PDXK: variants seen among roughly 807,000 people sequenced by gnomAD.
PDXK encodes the protein epididymis secretory sperm binding protein Li 1a.
In PDXK, 15 loss-of-function variants were observed where a neutral mutation model predicts 43.2. The ratio of observed to expected loss-of-function variants is 0.35; its 90% CI spans 0.23 to 0.53. The LOEUF is 0.53. Among genes scored for constraint, PDXK ranks in the 20% least tolerant of loss-of-function variants. The probability of loss-of-function intolerance (pLI) is 0.92; values close to 1 mark genes in which losing one functional copy is unlikely to be tolerated. For synonymous variants in PDXK, 172 were observed against 165.4 expected (o/e 1.04, Z -0.31); for missense variants, 343 against 417.0 (o/e 0.82, Z 1.54).
chr21:43,754,723 T>C lies in PDXK; in HGVS notation c.760-975T>C, dbSNP rs2083816429. On this transcript the variant is annotated intron_variant, in intron 9 of 10. Transcript: ENST00000291565. This position sits in a 1 kb window ranked among gnomAD's most constrained non-coding sequence, Gnocchi z 5.5. Reference sequence around the variant, plus strand: ...ACAGGAGGAAGACAGGACACCTCTGTCACTATTGGGTGCGCTGGGGAAGGA... The same window carrying C: ...ACAGGAGGAAGACAGGACACCTCTGCCACTATTGGGTGCGCTGGGGAAGGA... Among the ~76,000 whole-genome samples, 1 of 151,980 alleles carries C rather than the reference T, an allele frequency of 6.6e-6. No homozygotes were observed. Among genetic ancestry groups the C allele is most frequent in the African/African-American group, 2.4e-5 (1 of 41,364 alleles).
At chr21:43,743,844 C>T (rs1390121621) in intron 4 of PDXK, 37 bp downstream of exon 4, 1 of 1,487,954 alleles carries the variant, frequency 6.7e-7, no homozygotes, top group African/African-American at 1.4e-5. Flanking sequence ...GGCTGTGTGG[C>T]CCCACACGGG....
intron 1 of PDXK, chr21:43,729,077 C>T: frequency 1.1e-6 from 1 of 952,130 alleles, no homozygotes; most frequent in South Asian, 4.8e-5. Flanking sequence ...CCGCACCCGC[C>T]CGCCCGCAAT....
chr21:43,727,048 T>C (rs929395941), intron 1 of PDXK, among the ~76,000 whole-genome samples: 6 of 152,214 alleles, frequency 3.9e-5, no homozygotes, highest in African/African-American at 1.4e-4. Context: ...CCCCCCCGTC[T>C]TTCCTGTAAG....
chr21:43,728,146 G>T (rs1392736311), intron 1 of PDXK, among the ~76,000 whole-genome samples: 1 of 152,172 alleles, frequency 6.6e-6, no homozygotes, highest in African/African-American at 2.4e-5. Flanking sequence ...GGTCAGGGAT[G>T]AGGGGAGACT....
At chr21:43,727,839 G>T (rs984066005) in intron 1 of PDXK, among the ~76,000 whole-genome samples, 1 of 152,232 alleles carries the variant, frequency 6.6e-6, no homozygotes, top group Admixed American at 6.5e-5. Context: ...TGTGGGGGTG[G>T]ACGGGGCCCG....
rs2083899255 is a variant in PDXK at position 43,759,373 on chromosome 21, A to G, written c.*3310A>G. 6.5e-6 allele frequency: 1 copy of G among 153,652 alleles called. No individual in the cohort carries two copies. Among genetic ancestry groups the G allele is most frequent in the Admixed American group, 6.5e-5 (1 of 15,288 alleles). The allele number at this position is 153,652 out of a possible 1,614,324, so 9.5% of individuals were successfully genotyped here. Reference sequence around the variant, plus strand: ...TTCTCTCTTTAGTTTAACTATGCAAAGAGAGGAGGTTGAGAGTGTTCTGGC... The same window carrying G: ...TTCTCTCTTTAGTTTAACTATGCAAGGAGAGGAGGTTGAGAGTGTTCTGGC... On this transcript the variant is annotated 3_prime_UTR_variant, in exon 11 of 11. Coordinates refer to ENST00000291565, the MANE Select transcript of PDXK (RefSeq NM_003681.5).
At chr21:43,748,191 G>A (rs560952406) in intron 5 of PDXK, among the ~76,000 whole-genome samples, 9 of 152,324 alleles carry the variant, frequency 5.9e-5, no homozygotes, top group African/African-American at 2.2e-4. Flanking sequence ...AAATTTGATC[G>A]CTAAAGAAAA....
rs2083426587 is a variant in PDXK at position 43,737,594 on chromosome 21, G to C, written c.142+3471G>C. On this transcript the variant is annotated intron_variant, in intron 2 of 10. Coordinates refer to ENST00000291565, the MANE Select transcript of PDXK (RefSeq NM_003681.5). This position sits in a 1 kb window ranked among gnomAD's most constrained non-coding sequence, Gnocchi z 4.8. ...GGGATGGGACAGGTGCCCTGCTGCT[G>C]GGCTTGGTGGTCCCTGCTGCAGGGA... is the stretch of plus-strand genomic sequence containing the variant. 18 of 990,590 alleles carry C rather than the reference G, an allele frequency of 1.8e-5. No individual in the cohort carries two copies. The highest frequency in any genetic ancestry group is 2.2e-5 in the Non-Finnish European group (18 of 833,246). The allele number at this position is 990,590 out of a possible 1,614,324, so 61.4% of individuals were successfully genotyped here. A position where few individuals can be genotyped will look rare whatever the true frequency, so the allele number is the denominator to read the frequency against.
chr21:43,732,254 G>C lies in PDXK; in HGVS notation c.88-1815G>C. On this transcript the variant is annotated intron_variant, in intron 1 of 10. Coordinates refer to ENST00000291565, the MANE Select transcript of PDXK (RefSeq NM_003681.5). This position sits in a 1 kb window ranked among gnomAD's most constrained non-coding sequence, Gnocchi z 4.1. ...CACAGAGCGCTGGCTTCCAGCTGAA[G>C]GACATGTGTAACAGCAGGAGATACC... 2.7e-6 allele frequency: 4 copies of C among 1,490,074 alleles called. No individual in the cohort carries two copies. The highest frequency in any genetic ancestry group is 3.6e-6 in the Non-Finnish European group (4 of 1,124,294). The allele number at this position is 1,490,074 out of a possible 1,614,324, so 92.3% of individuals were successfully genotyped here. A position where few individuals can be genotyped will look rare whatever the true frequency, so the allele number is the denominator to read the frequency against.
At chr21:43,743,141 G>A (rs56008828) in intron 3 of PDXK, among the ~76,000 whole-genome samples, 3 of 81,330 alleles carry the variant, frequency 3.7e-5, no homozygotes, top group Non-Finnish European at 4.6e-5. Context: ...GGGACACCTC[G>A]CCTGCACCCA....
At position 43,741,197 on chromosome 21, in the gene PDXK, C is replaced by G. The variant is rs1383841463; in HGVS notation, c.143-470C>G. Among the ~76,000 whole-genome samples the G allele has an allele frequency of 9.0e-3, 3 of 334 alleles. 1 individual carries two copies. The highest frequency in any genetic ancestry group is 0.019 in the Non-Finnish European group (3 of 156). The allele number at this position is 334 out of a possible 152,430, so 0.2% of individuals were successfully genotyped here. A position where few individuals can be genotyped will look rare whatever the true frequency, so the allele number is the denominator to read the frequency against. On this transcript the variant is annotated intron_variant, in intron 2 of 10. Transcript: ENST00000291565. ...CTCGCGGGGGGCTCGCGGGGGGGCTCGCGGGGGGGCTCGCGGGGGGCTCGC... is the reference window on the plus strand; with the variant it reads ...CTCGCGGGGGGCTCGCGGGGGGGCTGGCGGGGGGGCTCGCGGGGGGCTCGC...
At chr21:43,743,140 C>T (rs1469343743) in intron 3 of PDXK, among the ~76,000 whole-genome samples, 5 of 125,788 alleles carry the variant, frequency 4.0e-5, no homozygotes, top group African/African-American at 1.2e-4. Context: ...GGGGACACCT[C>T]GCCTGCACCC....
In PDXK at chr21:43,749,159, C is replaced by T. The variant is rs969925467; in HGVS notation, c.464+79C>T. ...CGCTCTTGTCACCCAGGCTGGAGTG[C>T]AGTGGCACGATCACAGCTCACTGCA... On this transcript the variant is annotated intron_variant, in intron 6 of 10. Transcript: ENST00000291565. The T allele has an allele frequency of 6.0e-6, 5 of 833,620 alleles. No homozygotes were observed. The African/African-American group carries it at 8.6e-5, about 14-fold the overall frequency. 51.6% of individuals were successfully genotyped at this position (833,620 alleles called of 1,614,324 possible). A position where few individuals can be genotyped will look rare whatever the true frequency, so the allele number is the denominator to read the frequency against.
chr21:43,737,248 A>AT lies in PDXK; in HGVS notation c.142+3126dup. 4.2e-6 allele frequency: 6 copies of AT among 1,425,022 alleles called. No homozygotes were observed. The highest frequency in any genetic ancestry group is 5.5e-6 in the Non-Finnish European group (6 of 1,092,830). 88.3% of individuals were successfully genotyped at this position (1,425,022 alleles called of 1,614,324 possible). A position where few individuals can be genotyped will look rare whatever the true frequency, so the allele number is the denominator to read the frequency against. On this transcript the variant is annotated intron_variant, in intron 2 of 10. Transcript: ENST00000291565. This position sits in a 1 kb window ranked among gnomAD's most constrained non-coding sequence, Gnocchi z 4.8. ...TTCAGGCTGGGGGGTGGGAAAGCCG[A>AT]TCCCCCAAGTGCCTGCAGAGCCCAC...
chr21:43,735,950 G>C lies in PDXK; in HGVS notation c.142+1827G>C, dbSNP rs972283183. ...GCTGGTGCATCGTGTACCTGCCCTG[G>C]GTGCCACGGGAGCTGGTGGTCAAGA... On this transcript the variant is annotated intron_variant, in intron 2 of 10. Coordinates refer to ENST00000291565, the MANE Select transcript of PDXK (RefSeq NM_003681.5). This position sits in a 1 kb window ranked among gnomAD's most constrained non-coding sequence, Gnocchi z 5.3. Among the ~76,000 whole-genome samples the C allele has an allele frequency of 6.6e-6, 1 of 152,082 alleles. No individual in the cohort carries two copies. The highest frequency in any genetic ancestry group is 1.5e-5 in the Non-Finnish European group (1 of 68,004).
Position 43,737,917 on chromosome 21 carries a change from C to CCATCCCA in PDXK, c.143-3740_143-3734dup. 2 of 985,494 alleles carry CCATCCCA rather than the reference C, an allele frequency of 2.0e-6. No individual in the cohort carries two copies. The highest frequency in any genetic ancestry group is 2.4e-6 in the Non-Finnish European group (2 of 829,956). The allele number at this position is 985,494 out of a possible 1,614,324, so 61.0% of individuals were successfully genotyped here. On this transcript the variant is annotated intron_variant, in intron 2 of 10. Coordinates refer to ENST00000291565, the MANE Select transcript of PDXK (RefSeq NM_003681.5). This position sits in a 1 kb window ranked among gnomAD's most constrained non-coding sequence, Gnocchi z 4.8. ...GAGAAGGTTCTTGTGGGCTCTGGGCCCATCCCACATCCCACAGTGGGCAGG... is the reference window on the plus strand; with the variant it reads ...GAGAAGGTTCTTGTGGGCTCTGGGCCCATCCCACATCCCACATCCCACAGTGGGCAGG...
chr21:43,752,981 A>C (rs1298268355), intron 8 of PDXK, among the ~76,000 whole-genome samples: 2 of 152,210 alleles, frequency 1.3e-5, no homozygotes, highest in Non-Finnish European at 2.9e-5. Flanking sequence ...AAAATGACGC[A>C]GAAGGCTGGG....
chr21:43,733,765 T>TCG (rs2083358608), intron 1 of PDXK: 1 of 864,288 alleles, frequency 1.2e-6, no homozygotes, highest in African/African-American at 1.7e-5. Flanking sequence ...GGGTGCGATT[T>TCG]CTGGAATGAT....
At chr21:43,727,711 T>A (rs1044033438) in intron 1 of PDXK, among the ~76,000 whole-genome samples, 2 of 152,054 alleles carry the variant, frequency 1.3e-5, no homozygotes, top group African/African-American at 4.8e-5. Context: ...CAGCACTAGG[T>A]GGAGCTCTGC....
Sources: gnomAD v4.1 joint callset for allele counts (sites outside exome capture counted in the v4.1 genomes callset) on GRCh38, gnomAD v4.1.1 for gene constraint, Gnocchi (gnomAD v3.1) non-coding constraint, MANE v1.5 for transcripts, NCBI Gene and HGNC (gene_info 2026-07-23, HGNC 2026-07-21) for gene names.